The following CNTN5 variants were observed in gnomAD, a reference collection of about 807,000 sequenced individuals.
The protein encoded by CNTN5 is contactin-5.
In CNTN5, 77 loss-of-function variants were observed where a neutral mutation model predicts 129.1. The observed-to-expected ratio is 0.60, with a 90% confidence interval of 0.50 to 0.72. The LOEUF is 0.72. Among genes scored for constraint, CNTN5 ranks in the 30% least tolerant of loss-of-function variants. The probability of loss-of-function intolerance (pLI) is 0.00; values close to 1 mark genes in which losing one functional copy is unlikely to be tolerated. For missense variants in CNTN5, 1,478 were observed against 1,328.8 expected (o/e 1.11, Z -1.75); for synonymous variants, 509 against 465.6 (o/e 1.09, Z -1.20).
At chr11:99,469,888 ACTTTT>A (rs1293820606) in intron 2 of CNTN5, among the ~76,000 whole-genome samples, 1 of 152,138 alleles carries the variant, frequency 6.6e-6, no homozygotes, top group Non-Finnish European at 1.5e-5. Context: ...AGTTTCTCCT[ACTTTT>A]CTTTATGAAT....
chr11:99,779,725 A>G lies in CNTN5; in HGVS notation c.56-39819A>G, dbSNP rs1945247631. On this transcript the variant is annotated intron_variant, in intron 3 of 24. Coordinates refer to ENST00000524871, the MANE Select transcript of CNTN5 (RefSeq NM_014361.4). ...TAACTTAAAAAAGTATCTTGTAGCA[A>G]TGTTTAAACTCTGTTTACTGCTCAA... Among the ~76,000 whole-genome samples, 3 of 152,048 alleles carry G rather than the reference A, an allele frequency of 2.0e-5. 1 individual carries two copies. The highest frequency in any genetic ancestry group is 7.2e-5 in the African/African-American group (3 of 41,436).
chr11:100,339,232 G>C (rs1952106178), intron 21 of CNTN5, among the ~76,000 whole-genome samples: 1 of 152,090 alleles, frequency 6.6e-6, no homozygotes. Flanking sequence ...AGACTATCTG[G>C]GTACCTGCAC....
chr11:99,811,845 A>G (rs145418897), intron 3 of CNTN5, among the ~76,000 whole-genome samples: 2 of 152,220 alleles, frequency 1.3e-5, no homozygotes, highest in Non-Finnish European at 2.9e-5. Context: ...AACCTACAAA[A>G]AGTGAGAAAA....
intron 2 of CNTN5, among the ~76,000 whole-genome samples, chr11:99,337,537 C>T (rs547113910): frequency 2.2e-4 from 33 of 152,330 alleles, no homozygotes; most frequent in African/African-American, 7.7e-4. Flanking sequence ...TTGTTTGCGG[C>T]TTAAGAATGA....
intron 13 of CNTN5, among the ~76,000 whole-genome samples, chr11:100,128,594 A>G (rs1433958036): frequency 1.3e-5 from 2 of 152,156 alleles, no homozygotes; most frequent in Non-Finnish European, 2.9e-5. Flanking sequence ...AGGGAGACAG[A>G]ATAGGAGAAT....
intron 13 of CNTN5, among the ~76,000 whole-genome samples, chr11:100,111,296 A>G (rs1945651681): frequency 6.6e-6 from 1 of 152,146 alleles, no homozygotes; most frequent in African/African-American, 2.4e-5. Context: ...CCAGTTACCA[A>G]TTCACTTTAG....
intron 2 of CNTN5, among the ~76,000 whole-genome samples, chr11:99,335,676 A>G (rs117587803): frequency 1.3e-5 from 2 of 152,208 alleles, no homozygotes; most frequent in East Asian, 3.9e-4. Context: ...AATTCTCACA[A>G]TGATAGATGG....
intron 6 of CNTN5, among the ~76,000 whole-genome samples, chr11:99,860,688 T>G (rs577889122): frequency 2.0e-5 from 3 of 152,324 alleles, no homozygotes; most frequent in African/African-American, 7.2e-5. Context: ...CCATGCTGTT[T>G]GGTTACCATA....
chr11:99,385,527 A>G (rs890134715), intron 2 of CNTN5, among the ~76,000 whole-genome samples: 3 of 152,208 alleles, frequency 2.0e-5, no homozygotes, highest in Non-Finnish European at 4.4e-5. Context: ...CCAGTGAAAA[A>G]TTGAGTTATG....
intron 4 of CNTN5, among the ~76,000 whole-genome samples, chr11:99,829,856 G>A (rs1947082269): frequency 6.6e-6 from 1 of 152,144 alleles, no homozygotes; most frequent in Non-Finnish European, 1.5e-5. Flanking sequence ...TCAGACACAT[G>A]CAGGATATAT....
chr11:99,918,184 T>C (rs548031775), intron 7 of CNTN5, among the ~76,000 whole-genome samples: 1 of 152,298 alleles, frequency 6.6e-6, no homozygotes, highest in East Asian at 1.9e-4. Flanking sequence ...ATTATCATAT[T>C]CTTTTATACA....
chr11:99,590,034 T>C (rs1204055852), intron 3 of CNTN5, among the ~76,000 whole-genome samples: 1 of 152,110 alleles, frequency 6.6e-6, no homozygotes, highest in African/African-American at 2.4e-5. Flanking sequence ...AGCCAGTCCT[T>C]GAGAGATGAA....
chr11:100,183,004 A>C (rs1948184773), intron 13 of CNTN5, among the ~76,000 whole-genome samples: 2 of 152,160 alleles, frequency 1.3e-5, no homozygotes, highest in South Asian at 4.1e-4. Flanking sequence ...CAGATGGAAA[A>C]TGAACATATG....
At chr11:99,403,862 T>G (rs1941947084) in intron 2 of CNTN5, among the ~76,000 whole-genome samples, 1 of 152,166 alleles carries the variant, frequency 6.6e-6, no homozygotes, top group Admixed American at 6.5e-5. Flanking sequence ...TAAGTATCTA[T>G]TATGTCCATT....
At chr11:99,834,606 G>A (rs906031920) in intron 4 of CNTN5, among the ~76,000 whole-genome samples, 1 of 152,190 alleles carries the variant, frequency 6.6e-6, no homozygotes, top group South Asian at 2.1e-4. Flanking sequence ...ATTACCCGTA[G>A]GTAGTTAGAA....
chr11:100,335,928 A>G (rs1952029820), intron 21 of CNTN5, among the ~76,000 whole-genome samples: 1 of 152,210 alleles, frequency 6.6e-6, no homozygotes, highest in South Asian at 2.1e-4. Context: ...AAACCAAAAT[A>G]ATATGAAGGA....
rs146738518 is a variant in CNTN5, at chr11:99,581,655, C to T, written c.55+25386C>T. Reference sequence around the variant, plus strand: ...TTTTATCCGAGACTAGGATTGCAACCCCTGCCTTTTTTTGTTTTCCATTTG... The same window carrying T: ...TTTTATCCGAGACTAGGATTGCAACTCCTGCCTTTTTTTGTTTTCCATTTG... On this transcript the variant is annotated intron_variant, in intron 3 of 24. Coordinates refer to ENST00000524871, the MANE Select transcript of CNTN5 (RefSeq NM_014361.4). 3.0e-3 allele frequency among the ~76,000 whole-genome samples: 449 copies of T among 152,084 alleles called. 6 individuals are homozygous for T. Among genetic ancestry groups the T allele is most frequent in the East Asian group, 0.02 (105 of 5,186 alleles).
chr11:99,464,882 A>T (rs1010045289), intron 2 of CNTN5, among the ~76,000 whole-genome samples: 1 of 152,180 alleles, frequency 6.6e-6, no homozygotes, highest in Non-Finnish European at 1.5e-5. Context: ...AAAATTCACA[A>T]CTTGTGGGTA....
At chr11:99,116,217 T>A (rs1166031366) in intron 1 of CNTN5, among the ~76,000 whole-genome samples, 1 of 152,204 alleles carries the variant, frequency 6.6e-6, no homozygotes, top group Non-Finnish European at 1.5e-5. Context: ...TGTGAATTGA[T>A]CACTTGCATT....
Sources: gnomAD v4.1 joint callset for allele counts (sites outside exome capture counted in the v4.1 genomes callset) on GRCh38, gnomAD v4.1.1 for gene constraint, MANE v1.5 for transcripts, NCBI Gene and HGNC (gene_info 2026-07-23, HGNC 2026-07-21) for gene names.